The following FILIP1 variants were observed in gnomAD, a reference collection of about 807,000 sequenced individuals.
The protein encoded by FILIP1 is filamin A interacting protein 1.
In FILIP1, 61 loss-of-function variants were observed where a neutral mutation model predicts 102.1. That is an observed-to-expected ratio of 0.60 (90% confidence interval 0.49 to 0.74). The LOEUF is 0.74. Ranked by LOEUF, FILIP1 falls within the 30% of genes least tolerant of loss-of-function variation. FILIP1 has a pLI of 0.00. For missense variants in FILIP1, 1,314 were observed against 1,441.2 expected (o/e 0.91, Z 1.43); for synonymous variants, 491 against 526.9 (o/e 0.93, Z 0.93).
chr6:75,470,362 T>G (rs1779296004), intron 1 of FILIP1, among the ~76,000 whole-genome samples: 2 of 152,118 alleles, frequency 1.3e-5, no homozygotes, highest in Admixed American at 1.3e-4. Context: ...AAAAACAGAC[T>G]CACAAACAGA....
intron 1 of FILIP1, among the ~76,000 whole-genome samples, chr6:75,452,844 A>G (rs1266705177): frequency 6.6e-6 from 1 of 152,156 alleles, no homozygotes; most frequent in African/African-American, 2.4e-5. Context: ...GTGACAATGT[A>G]CTCCTTTTGC....
intron 1 of FILIP1, among the ~76,000 whole-genome samples, chr6:75,421,106 G>C (rs765642851): frequency 3.5e-4 from 53 of 152,112 alleles, no homozygotes; most frequent in Non-Finnish European, 6.9e-4. Flanking sequence ...ATAGTAACGT[G>C]CACTTTGGGA....
chr6:75,469,774 T>C (rs937650762), intron 1 of FILIP1, among the ~76,000 whole-genome samples: 1 of 152,026 alleles, frequency 6.6e-6, no homozygotes, highest in Non-Finnish European at 1.5e-5. Context: ...GAACAACCAA[T>C]ATAATCCAAT....
At chr6:75,333,187 T>C (rs1331545389) in intron 4 of FILIP1, among the ~76,000 whole-genome samples, 2 of 152,182 alleles carry the variant, frequency 1.3e-5, no homozygotes, top group East Asian at 3.8e-4. Flanking sequence ...GTTGGGTTTA[T>C]TGCCATGACA....
intron 4 of FILIP1, chr6:75,319,204 T>C (rs1358190336): frequency 1.3e-5 from 10 of 761,256 alleles, no homozygotes; most frequent in Middle Eastern, 7.7e-4. Flanking sequence ...CTTTTCTTGT[T>C]TTTCCTTCAG....
intron 4 of FILIP1, among the ~76,000 whole-genome samples, chr6:75,318,207 T>C (rs1226906337): frequency 6.6e-6 from 1 of 150,714 alleles, no homozygotes; most frequent in Admixed American, 6.6e-5. Flanking sequence ...TAGACTCCTA[T>C]AATATCAATT....
chr6:75,431,772 C>T (rs1396443177), intron 1 of FILIP1, among the ~76,000 whole-genome samples: 1 of 152,104 alleles, frequency 6.6e-6, no homozygotes, highest in Admixed American at 6.6e-5. Flanking sequence ...CCTAAACACC[C>T]CTCTGTCCTT....
chr6:75,302,611 G>A (rs1303716539), intron 6 of FILIP1, among the ~76,000 whole-genome samples: 2 of 152,126 alleles, frequency 1.3e-5, no homozygotes, highest in Admixed American at 6.5e-5. Flanking sequence ...AACAAATTGA[G>A]CAAGTCAAGG....
rs754618124 is a variant in FILIP1 at position 75,313,636 on chromosome 6, G to C, written c.2196C>G (p.His732Gln). Residue 732 changes from histidine to glutamine, a missense_variant, in exon 5 of 6, where the codon CAC (histidine) becomes CAG (glutamine). By Grantham distance (24) the His-to-Gln change is conservative. This residue lies in a region of FILIP1 where 816 missense variants were observed against 913.1 expected (regional missense o/e 0.89). Transcript: ENST00000237172. The surrounding 1 kb of genome is among the most constrained non-coding windows in gnomAD (Gnocchi z 4.2). ...AEVQALKEKI[H>Q]ELMNKEDQLS... Reference sequence around the variant, plus strand: ...GCTGATCTTCTTTGTTCATTAATTCGTGAATCTTCTCTTTAAGAGCTTGTA... The same window carrying C: ...GCTGATCTTCTTTGTTCATTAATTCCTGAATCTTCTCTTTAAGAGCTTGTA... 3 of 1,596,984 alleles carry C rather than the reference G, an allele frequency of 1.9e-6. No individual in the cohort carries two copies. The highest frequency in any genetic ancestry group is 2.6e-6 in the Non-Finnish European group (3 of 1,174,752).
At chr6:75,417,362 T>C (rs1777302711) in intron 1 of FILIP1, among the ~76,000 whole-genome samples, 1 of 152,190 alleles carries the variant, frequency 6.6e-6, no homozygotes, top group Non-Finnish European at 1.5e-5. Context: ...ATCTCAGGAA[T>C]ACAAAAGTAC....
intron 1 of FILIP1, among the ~76,000 whole-genome samples, chr6:75,475,036 G>A (rs1228559568): frequency 2.6e-5 from 4 of 152,056 alleles, no homozygotes; most frequent in South Asian, 4.2e-4. Context: ...CCAGCATCAC[G>A]CTTCCTGCAC....
At chr6:75,482,561 T>C (rs979987053) in intron 1 of FILIP1, among the ~76,000 whole-genome samples, 3 of 152,256 alleles carry the variant, frequency 2.0e-5, no homozygotes, top group Non-Finnish European at 4.4e-5. Flanking sequence ...TTCTAGTCTG[T>C]TAATGGAAAT....
At chr6:75,465,684 A>G in intron 1 of FILIP1, 1 of 232,694 alleles carries the variant, frequency 4.3e-6, no homozygotes, top group Non-Finnish European at 8.3e-6. Flanking sequence ...CTGGAAAGGA[A>G]GCTCCCATTC....
At chr6:75,415,035 T>G (rs1039948840) in intron 1 of FILIP1, 57 bp from the exon 2 acceptor site, 1 of 1,514,078 alleles carries the variant, frequency 6.6e-7, no homozygotes, top group African/African-American at 1.4e-5. Context: ...AAAATTATTT[T>G]TGCCTAAATA....
intron 1 of FILIP1, among the ~76,000 whole-genome samples, chr6:75,441,643 G>A (rs1422284525): frequency 6.7e-6 from 1 of 149,350 alleles, no homozygotes; most frequent in African/African-American, 2.5e-5. Context: ...GGACGGGGCG[G>A]CTGGCCGGGC....
intron 1 of FILIP1, among the ~76,000 whole-genome samples, chr6:75,420,654 T>C (rs1777430512): frequency 6.6e-6 from 1 of 152,176 alleles, no homozygotes; most frequent in African/African-American, 2.4e-5. Context: ...TATTTTTATA[T>C]CTTCACTCAT....
At chr6:75,377,649 C>T (rs1775789776) in intron 2 of FILIP1, among the ~76,000 whole-genome samples, 2 of 152,198 alleles carry the variant, frequency 1.3e-5, no homozygotes, top group African/African-American at 4.8e-5. Context: ...GTGTCCCTAG[C>T]TCCTAGCACA....
Position 75,314,206 on chromosome 6 carries a change from A to C in FILIP1, c.1626T>G (p.Asp542Glu). The change falls in exon 5 of 6, where the codon GAT (aspartate) becomes GAG (glutamate). Residue 542 changes from aspartate (D) to glutamate (E), a missense_variant. By Grantham distance (45) the Asp-to-Glu change is conservative. This residue lies in a region of FILIP1 where 816 missense variants were observed against 913.1 expected (regional missense o/e 0.89). Coordinates refer to ENST00000237172, the MANE Select transcript of FILIP1 (RefSeq NM_015687.5). The stretch of plus-strand genomic sequence containing the variant: ...TTTCTTCAATTAGTTTTTCAGTTAC[A>C]TCCATAACTTTTCCTTGTTCCACCT... ...NFKVEQGKVM[D>E]VTEKLIEESK... is the part of the protein sequence containing the mutation. 1 of 1,561,548 alleles carries C rather than the reference A, an allele frequency of 6.4e-7. No homozygotes were observed. The highest frequency in any genetic ancestry group is 1.7e-4 in the Middle Eastern group (1 of 5,816).
intron 1 of FILIP1, among the ~76,000 whole-genome samples, chr6:75,424,067 T>C (rs1777558367): frequency 6.6e-6 from 1 of 152,194 alleles, no homozygotes; most frequent in Non-Finnish European, 1.5e-5. Flanking sequence ...ACTATAATTA[T>C]ACTTCTTATA....
Sources: gnomAD v4.1 joint callset for allele counts (sites outside exome capture counted in the v4.1 genomes callset) on GRCh38, gnomAD v4.1.1 for gene constraint, gnomAD v4.1.1 regional missense constraint, Gnocchi (gnomAD v3.1) non-coding constraint, MANE v1.5 for transcripts, NCBI Gene and HGNC (gene_info 2026-07-23, HGNC 2026-07-21) for gene names.